Variants in R3HDM1 observed in about 807,000 individuals in gnomAD.
R3HDM1 encodes the protein R3H domain containing 1, also known as R3H domain-containing protein 1.
In R3HDM1, 46 loss-of-function variants were observed where a neutral mutation model predicts 141.1. The observed-to-expected ratio is 0.33, with a 90% CI of 0.26 to 0.42. R3HDM1 has a LOEUF of 0.42. R3HDM1 is among the 10% of genes least tolerant of loss of function. The probability of loss-of-function intolerance (pLI) is 1.00; values close to 1 mark genes in which losing one functional copy is unlikely to be tolerated. For synonymous variants in R3HDM1, 435 were observed against 472.9 expected, an observed-to-expected ratio of 0.92 and a Z score of 1.04; for missense variants, 1,184 against 1,368.3, an observed-to-expected ratio of 0.87 and a Z score of 2.12.
At chr2:135,656,640 A>G (rs1009293209) in intron 18 of R3HDM1, 1 of 152,108 alleles carries the variant, frequency 6.6e-6, no homozygotes, top group Non-Finnish European at 1.5e-5. Flanking sequence ...CCTTATCAAA[A>G]TCTACTTCAA....
At chr2:135,690,330 C>T (rs1445830882) in intron 21 of R3HDM1, among the ~76,000 whole-genome samples, 2 of 151,892 alleles carry the variant, frequency 1.3e-5, no homozygotes, top group South Asian at 2.1e-4. Flanking sequence ...TTACTTCTCT[C>T]GTTATTAAAA....
intron 21 of R3HDM1, among the ~76,000 whole-genome samples, chr2:135,699,736 A>G (rs1293998855): frequency 6.6e-6 from 1 of 152,236 alleles, no homozygotes; most frequent in Non-Finnish European, 1.5e-5. Context: ...AAGTATGCCT[A>G]ATAAAAGCTT....
chr2:135,644,527 T>G (rs1157759083), intron 15 of R3HDM1, among the ~76,000 whole-genome samples: 2 of 152,106 alleles, frequency 1.3e-5, no homozygotes, highest in Non-Finnish European at 2.9e-5. Flanking sequence ...GAAAAGAGGT[T>G]GTAAAATAAG....
intron 3 of R3HDM1, chr2:135,607,941 G>C: frequency 1.0e-6 from 1 of 983,762 alleles, no homozygotes; most frequent in South Asian, 4.7e-5. Context: ...TTTGGAAGGA[G>C]GGAAAAAGAG....
chr2:135,660,466 C>A (rs888518888), intron 18 of R3HDM1, among the ~76,000 whole-genome samples: 2 of 152,124 alleles, frequency 1.3e-5, no homozygotes, highest in African/African-American at 4.8e-5. Flanking sequence ...TTTTTGAGTA[C>A]TGACATGACA....
chr2:135,673,085 C>T (rs1283550581), intron 19 of R3HDM1, among the ~76,000 whole-genome samples: 2 of 152,008 alleles, frequency 1.3e-5, no homozygotes, highest in Non-Finnish European at 1.5e-5. Context: ...CCAGCCTGAG[C>T]GATAGAGACT....
In R3HDM1 at chr2:135,724,622, T is replaced by G. The variant is rs1453744243; in HGVS notation, c.*330T>G. On this transcript the variant is annotated 3_prime_UTR_variant, in exon 27 of 27. Coordinates refer to ENST00000683871, the MANE Select transcript of R3HDM1 (RefSeq NM_001378107.1). The stretch of plus-strand genomic sequence containing the variant: ...CAAAGCTCTATTGTACAGCAAATTA[T>G]TCTTCAAAATGATTATAACCAGTTG... The G allele has an allele frequency of 5.0e-6, 1 of 198,026 alleles. No individual in the cohort carries two copies. The highest frequency in any genetic ancestry group is 1.2e-4 in the East Asian group (1 of 8,182). The allele number at this position is 198,026 out of a possible 1,614,324, so 12.3% of individuals were successfully genotyped here.
At chr2:135,584,432 C>T in intron 1 of R3HDM1, 9 of 919,344 alleles carry the variant, frequency 9.8e-6, no homozygotes, top group Non-Finnish European at 1.2e-5. Flanking sequence ...TCCACAACAT[C>T]ATTAGAAACC....
Position 135,594,986 on chromosome 2 carries a change from C to CCA in R3HDM1, c.-249-7513_-249-7512insAC, listed in dbSNP as rs548065655. ...TCCCTAGGGATTCTACACCCCCCCC[C>CCA]CTTTTCAATGAAGGCTTGTGGGCAA... On this transcript the variant is annotated intron_variant, in intron 1 of 26. Transcript: ENST00000683871. Among the ~76,000 whole-genome samples, 8 of 151,900 alleles carry CCA rather than the reference C, an allele frequency of 5.3e-5. 1 individual carries two copies. The highest frequency in any genetic ancestry group is 4.2e-4 in the South Asian group (2 of 4,764).
chr2:135,693,612 A>G (rs868441511), intron 21 of R3HDM1, among the ~76,000 whole-genome samples: 2 of 152,242 alleles, frequency 1.3e-5, no homozygotes, highest in Non-Finnish European at 2.9e-5. Flanking sequence ...TAACAAGTTC[A>G]GATGGTTCAT....
rs977098962 is a variant in R3HDM1 at position 135,724,380 on chromosome 2, A to G, written c.*88A>G. 9 of 1,008,872 alleles carry G rather than the reference A, an allele frequency of 8.9e-6. No homozygotes were observed. The highest frequency in any genetic ancestry group is 8.1e-5 in the African/African-American group (5 of 61,992). 62.5% of individuals were successfully genotyped at this position (1,008,872 alleles called of 1,614,324 possible). ...GGTATTTGGAGCTTCTGTTAACATT[A>G]TAGAGACTCCTAGGATGTGTGTTCA... On this transcript the variant is annotated 3_prime_UTR_variant, in exon 27 of 27. Transcript: ENST00000683871.
intron 3 of R3HDM1, among the ~76,000 whole-genome samples, chr2:135,613,019 A>C (rs1323829633): frequency 1.3e-5 from 2 of 152,222 alleles, no homozygotes; most frequent in African/African-American, 4.8e-5. Context: ...TTAGCAATTT[A>C]TGGTTTACTT....
chr2:135,566,160 A>G lies in R3HDM1; in HGVS notation c.-250+34527A>G, dbSNP rs551581510. Among the ~76,000 whole-genome samples the G allele has an allele frequency of 2.6e-5, 4 of 152,302 alleles. No homozygotes were observed. In the East Asian group the frequency reaches 7.7e-4, roughly 29 times the overall value. On this transcript the variant is annotated intron_variant, in intron 1 of 26. Coordinates refer to ENST00000683871, the MANE Select transcript of R3HDM1 (RefSeq NM_001378107.1). ...AACTTATTAAAATAACTTATGATTC[A>G]TATATTATGTTTGCATCTTATTTTA...
At chr2:135,618,206 C>T (rs182148344) in intron 5 of R3HDM1, among the ~76,000 whole-genome samples, 14 of 150,452 alleles carry the variant, frequency 9.3e-5, no homozygotes, top group East Asian at 1.9e-4. Flanking sequence ...TCTTGTTGAC[C>T]GGGCTGGAGT....
intron 24 of R3HDM1, among the ~76,000 whole-genome samples, chr2:135,717,252 G>T (rs2076256441): frequency 6.6e-6 from 1 of 152,140 alleles, no homozygotes; most frequent in Non-Finnish European, 1.5e-5. Flanking sequence ...GGGAGGCTGA[G>T]GTGGGTAGAT....
At chr2:135,670,100 A>C (rs949837664) in intron 19 of R3HDM1, 1 of 179,164 alleles carries the variant, frequency 5.6e-6, no homozygotes, top group Non-Finnish European at 1.0e-5. Context: ...GCTGCACTCC[A>C]GCCTGGGCGA....
At chr2:135,629,188 A>G (rs140654089) in intron 7 of R3HDM1, among the ~76,000 whole-genome samples, 1,568 of 151,976 alleles carry the variant, frequency 0.01, 25 homozygotes, top group African/African-American at 0.036. Context: ...GTGGTGGCAC[A>G]CACCTGTAAC....
At chr2:135,539,185 T>C (rs904002637) in intron 1 of R3HDM1, among the ~76,000 whole-genome samples, 1 of 152,148 alleles carries the variant, frequency 6.6e-6, no homozygotes, top group East Asian at 1.9e-4. Flanking sequence ...ATTTTTTTTT[T>C]AAATAAGTAG....
chr2:135,661,654 T>C (rs1003876362), intron 19 of R3HDM1, among the ~76,000 whole-genome samples: 2 of 152,204 alleles, frequency 1.3e-5, no homozygotes, highest in Admixed American at 6.5e-5. Context: ...GGCTGCCATC[T>C]CTTACTGCCA....
Sources: gnomAD v4.1 joint callset for allele counts (sites outside exome capture counted in the v4.1 genomes callset) on GRCh38, gnomAD v4.1.1 for gene constraint, MANE v1.5 for transcripts, NCBI Gene and HGNC (gene_info 2026-07-23, HGNC 2026-07-21) for gene names.